PRDM6: variants seen among roughly 807,000 people sequenced by gnomAD.
PRDM6 encodes putative histone-lysine N-methyltransferase PRDM6.
Under a neutral mutation model 60.8 loss-of-function variants are expected in PRDM6, and 25 were observed. The observed-to-expected ratio is 0.41, with a 90% CI of 0.30 to 0.57. The LOEUF (loss-of-function observed/expected upper bound fraction) is 0.57, where lower values mean the gene tolerates loss of function less well. Among genes scored for constraint, PRDM6 ranks in the 20% least tolerant of loss-of-function variants. The pLI, the probability that PRDM6 is intolerant of heterozygous loss-of-function variation, is 0.27. For missense variants in PRDM6, 839 were observed against 821.3 expected (o/e 1.02, Z -0.26); for synonymous variants, 407 against 357.4 (o/e 1.14, Z -1.57).
chr5:123,122,185 AAG>A (rs1554086802), intron 3 of PRDM6, among the ~76,000 whole-genome samples: 1 of 151,262 alleles, frequency 6.6e-6, no homozygotes, highest in Non-Finnish European at 1.5e-5. Context: ...AAAAAAAAAA[AAG>A]AATTCCTGAG....
At chr5:123,184,551 C>A (rs970958602) in intron 7 of PRDM6, among the ~76,000 whole-genome samples, 3 of 152,100 alleles carry the variant, frequency 2.0e-5, no homozygotes, top group African/African-American at 7.2e-5. Flanking sequence ...TACTCTGTTA[C>A]ACTGCACGAA....
At chr5:123,155,234 T>A (rs1477922205) in intron 3 of PRDM6, among the ~76,000 whole-genome samples, 1 of 151,838 alleles carries the variant, frequency 6.6e-6, no homozygotes, top group Non-Finnish European at 1.5e-5. Context: ...GACAGCCATT[T>A]TTTTTCTTTC....
In PRDM6 at chr5:123,090,048, T is replaced by G. The variant is rs1226392153; in HGVS notation, c.34T>G (p.Phe12Val). 4 of 1,548,024 alleles carry G rather than the reference T, an allele frequency of 2.6e-6. No individual in the cohort carries two copies. Among genetic ancestry groups the G allele is most frequent in the South Asian group, 1.2e-5 (1 of 84,040 alleles). Residue 12 changes from phenylalanine to valine, a missense_variant, in exon 2 of 8, where the codon TTC becomes GTC. Coordinates refer to ENST00000407847, the MANE Select transcript of PRDM6 (RefSeq NM_001136239.4). ...GCCCGGAGACCCCGGCGGTTCGGCC[T>G]TCCTCAAAGTGGACCCAGCCTACCT... ...LKPGDPGGSA[F>V]LKVDPAYLQH...
Position 123,090,178 on chromosome 5 carries a change from C to G in PRDM6, c.164C>G (p.Pro55Arg), listed in dbSNP as rs1271735536. The G allele has an allele frequency of 6.7e-7, 1 of 1,485,428 alleles. No homozygotes were observed. The allele number at this position is 1,485,428 out of a possible 1,614,324, so 92.0% of individuals were successfully genotyped here. A position where few individuals can be genotyped will look rare whatever the true frequency, so the allele number is the denominator to read the frequency against. The change falls in exon 2 of 8, where the codon CCG becomes CGG. Residue 55 changes from proline (P) to arginine (R), a missense_variant. Pro to Arg is a moderately radical substitution (Grantham distance 103). Transcript: ENST00000407847. ...SAPQPLQPPPPPPPPERAEPP... is the reference protein window; with the variant it reads ...SAPQPLQPPPRPPPPERAEPP... ...CCGCAGCCTCTTCAGCCGCCGCCGC[C>G]GCCCCCGCCCCCGGAGCGCGCTGAG...
intron 3 of PRDM6, among the ~76,000 whole-genome samples, chr5:123,115,340 T>C (rs892126303): frequency 3.3e-5 from 5 of 152,104 alleles, no homozygotes; most frequent in African/African-American, 4.8e-5. Flanking sequence ...CCAGAATCCT[T>C]CTCCAAGGAA....
rs887527874 is a variant in PRDM6, at chr5:123,192,897, G to A, written c.*5696G>A. On this transcript the variant is annotated 3_prime_UTR_variant, in exon 8 of 8. Transcript: ENST00000407847. ...CCTGTTGGTTTAAAGCAGTGCAGCA[G>A]AAAGACTGGAGTCATTATAGGTTTG... 2 of 152,218 alleles carry A rather than the reference G, an allele frequency of 1.3e-5. No individual in the cohort carries two copies. Among genetic ancestry groups the A allele is most frequent in the Non-Finnish European group, 2.9e-5 (2 of 68,048 alleles). The allele number at this position is 152,218 out of a possible 1,614,324, so 9.4% of individuals were successfully genotyped here.
At position 123,090,434 on chromosome 5, in the gene PRDM6, C is replaced by G; in HGVS notation, c.420C>G (p.Gly140=). 2 of 1,451,716 alleles carry G rather than the reference C, an allele frequency of 1.4e-6. No individual in the cohort carries two copies. Among genetic ancestry groups the G allele is most frequent in the Non-Finnish European group, 1.8e-6 (2 of 1,111,722 alleles). The allele number at this position is 1,451,716 out of a possible 1,614,324, so 89.9% of individuals were successfully genotyped here. Residue 140 remains glycine (G), a synonymous_variant, in exon 2 of 8, where the codon GGC becomes GGG. Transcript: ENST00000407847. ...TGCCCCCCAAGGAACTGTGCCTCGG[C>G]GCCACCTCCGGCCCCGGGCCCGTCA... ...EPLPPKELCL[G]ATSGPGPVKC...
intron 3 of PRDM6, among the ~76,000 whole-genome samples, chr5:123,125,061 A>ATT (rs11345367): frequency 0.012 from 1,605 of 138,290 alleles, 37 homozygotes; most frequent in African/African-American, 0.04. Flanking sequence ...AACTTACAAC[A>ATT]TTTTTTTTTT....
chr5:123,150,809 G>A (rs1003606863), intron 3 of PRDM6, among the ~76,000 whole-genome samples: 11 of 152,058 alleles, frequency 7.2e-5, no homozygotes, highest in Non-Finnish European at 1.3e-4. Context: ...GGTCTAAACT[G>A]GAAATCTCCA....
chr5:123,123,763 C>T (rs1455273155), intron 3 of PRDM6, among the ~76,000 whole-genome samples: 67 of 152,084 alleles, frequency 4.4e-4, no homozygotes, highest in Admixed American at 4.4e-3. Flanking sequence ...TGATACAAAC[C>T]CTTAGATGTA....
intron 3 of PRDM6, among the ~76,000 whole-genome samples, chr5:123,112,755 C>T (rs1764340750): frequency 6.9e-6 from 1 of 144,472 alleles, no homozygotes; most frequent in South Asian, 2.2e-4. Flanking sequence ...ACCTGTGAAC[C>T]CAACATTTTA....
chr5:123,133,658 T>G (rs1764886425), intron 3 of PRDM6, among the ~76,000 whole-genome samples: 1 of 151,856 alleles, frequency 6.6e-6, no homozygotes, highest in Non-Finnish European at 1.5e-5. Flanking sequence ...AGGTCAAGGG[T>G]GATGTGAACT....
intron 3 of PRDM6, among the ~76,000 whole-genome samples, chr5:123,133,135 A>G (rs1764872108): frequency 6.6e-6 from 1 of 152,136 alleles, no homozygotes; most frequent in Non-Finnish European, 1.5e-5. Flanking sequence ...GAGGCCTGTG[A>G]ATATGAAAGT....
chr5:123,125,152 C>A (rs1245851484), intron 3 of PRDM6, among the ~76,000 whole-genome samples: 489 of 3,756 alleles, frequency 0.13, 2 homozygotes, highest in South Asian at 0.29. Flanking sequence ...CGCACCCCCT[C>A]CCCCCCACCC....
chr5:123,100,042 C>A (rs1764064137), intron 3 of PRDM6, 81 bp downstream of exon 3: 2 of 1,387,982 alleles, frequency 1.4e-6, no homozygotes, highest in Non-Finnish European at 1.9e-6. Context: ...GGGAGCCTGG[C>A]CTTTGGCTGT....
At chr5:123,121,484 G>C (rs966274812) in intron 3 of PRDM6, among the ~76,000 whole-genome samples, 19 of 152,186 alleles carry the variant, frequency 1.2e-4, no homozygotes, top group African/African-American at 4.6e-4. Flanking sequence ...CTGGGCTCAA[G>C]TGATCCTCCC....
At chr5:123,177,250 T>A (rs1323252349) in intron 6 of PRDM6, among the ~76,000 whole-genome samples, 1 of 152,214 alleles carries the variant, frequency 6.6e-6, no homozygotes, top group Non-Finnish European at 1.5e-5. Flanking sequence ...TAAGGAAATA[T>A]TGAAAATACA....
rs1237785538 is a variant in PRDM6, at chr5:123,099,752, G to A, written c.691G>A (p.Ala231Thr). 1.3e-6 allele frequency: 2 copies of A among 1,545,898 alleles called. No homozygotes were observed. Among genetic ancestry groups the A allele is most frequent in the South Asian group, 1.2e-5 (1 of 83,484 alleles). ...RLVGTSSAAAAAPPPELPEWL... is the reference protein window; with the variant it reads ...RLVGTSSAAATAPPPELPEWL... ...TGTGGGCACCAGCAGCGCTGCGGCC[G>A]CCGCGCCCCCGCCGGAGCTGCCGGA... Residue 231 changes from alanine to threonine, a missense_variant, in exon 3 of 8, where the codon GCC (alanine) becomes ACC (threonine). Transcript: ENST00000407847. The surrounding 1 kb of genome is among the most constrained non-coding windows in gnomAD (Gnocchi z 4.0).
chr5:123,103,170 G>T (rs538154631), intron 3 of PRDM6, among the ~76,000 whole-genome samples: 1 of 151,882 alleles, frequency 6.6e-6, no homozygotes, highest in African/African-American at 2.4e-5. Context: ...GACTCTTCTG[G>T]GTATTTATGG....
Sources: gnomAD v4.1 joint callset for allele counts (sites outside exome capture counted in the v4.1 genomes callset) on GRCh38, gnomAD v4.1.1 for gene constraint, Gnocchi (gnomAD v3.1) non-coding constraint, MANE v1.5 for transcripts, NCBI Gene and HGNC (gene_info 2026-07-23, HGNC 2026-07-21) for gene names.